The following FAM171B variants were observed in gnomAD, a reference collection of about 807,000 sequenced individuals.
The protein encoded by FAM171B is protein FAM171B.
In FAM171B, 19 loss-of-function variants were observed where a neutral mutation model predicts 75.6. That is an observed-to-expected ratio of 0.25 (90% CI 0.18 to 0.37). The LOEUF (loss-of-function observed/expected upper bound fraction) is 0.37, where lower values mean the gene tolerates loss of function less well. Ranked by LOEUF, FAM171B falls within the 10% of genes least tolerant of loss-of-function variation. The pLI, the probability that FAM171B is intolerant of heterozygous loss-of-function variation, is 1.00. For missense variants in FAM171B, 848 were observed against 982.4 expected (o/e 0.86, Z 1.83); for synonymous variants, 367 against 361.7 (o/e 1.01, Z -0.17).
At chr2:186,760,862 C>T (rs1690604024) in intron 6 of FAM171B, among the ~76,000 whole-genome samples, 1 of 151,956 alleles carries the variant, frequency 6.6e-6, no homozygotes, top group Admixed American at 6.6e-5. Flanking sequence ...TATTAGAAGT[C>T]TTGAGCAAGA....
intron 4 of FAM171B, among the ~76,000 whole-genome samples, chr2:186,749,090 C>G (rs1690413541): frequency 6.6e-6 from 1 of 152,188 alleles, no homozygotes; most frequent in South Asian, 2.1e-4. Flanking sequence ...ATATTCTTCT[C>G]TGTCCAACAT....
rs1238341527 is a variant in FAM171B, at chr2:186,761,650, T to G, written c.1308T>G (p.Ser436Arg). The change falls in exon 8 of 8, where the codon AGT becomes AGG. Residue 436 changes from serine (S) to arginine (R), a missense_variant. Ser to Arg is a moderately radical substitution (Grantham distance 110, BLOSUM62 -1). Coordinates refer to ENST00000304698, the MANE Select transcript of FAM171B (RefSeq NM_177454.4). ...TCAATGCCAAAAACTCCTCATATAG[T>G]CCTCAGAAAAAGGAACCATCAAAGG... ...QLFNAKNSSY[S>R]PQKKEPSKAE... is the part of the protein sequence containing the mutation. 1.9e-6 allele frequency: 3 copies of G among 1,612,008 alleles called. No homozygotes were observed. The Admixed American group carries it at 5.0e-5, about 27-fold the overall frequency.
At chr2:186,754,149 C>A (rs1690496523) in intron 6 of FAM171B, 100 bp downstream of exon 6, 2 of 811,862 alleles carry the variant, frequency 2.5e-6, no homozygotes, top group Admixed American at 2.5e-5. Flanking sequence ...CTGCCACTTA[C>A]CAGCTATATG....
At chr2:186,700,238 G>GTTTT (rs371777426) in intron 1 of FAM171B, among the ~76,000 whole-genome samples, 1 of 145,182 alleles carries the variant, frequency 6.9e-6, no homozygotes. Context: ...ACTGAGTTTT[G>GTTTT]TTTTTTTTTT....
At position 186,719,064 on chromosome 2, in the gene FAM171B, G is replaced by A. The variant is rs140459661; in HGVS notation, c.239-21164G>A. 6.8e-4 allele frequency among the ~76,000 whole-genome samples: 104 copies of A among 152,142 alleles called. 1 individual carries two copies. Among genetic ancestry groups the A allele is most frequent in the African/African-American group, 1.9e-3 (77 of 41,502 alleles). ...CATAGCACCTGAATTTGTATTTACCGGTCAGTATTCCTTTCAGATGTTAAA... is the reference window on the plus strand; with the variant it reads ...CATAGCACCTGAATTTGTATTTACCAGTCAGTATTCCTTTCAGATGTTAAA... On this transcript the variant is annotated intron_variant, in intron 1 of 7. Transcript: ENST00000304698.
At chr2:186,732,136 G>T (rs929737845) in intron 1 of FAM171B, among the ~76,000 whole-genome samples, 5 of 151,734 alleles carry the variant, frequency 3.3e-5, no homozygotes, top group Admixed American at 2.0e-4. Context: ...TGCCAAAAAG[G>T]TTGGGAGGCA....
chr2:186,746,137 T>C (rs1343806173), intron 3 of FAM171B, among the ~76,000 whole-genome samples: 1 of 152,230 alleles, frequency 6.6e-6, no homozygotes, highest in Non-Finnish European at 1.5e-5. Context: ...GGTGTAAGAG[T>C]TGATCTTTGA....
chr2:186,747,360 A>G, intron 4 of FAM171B, 110 bp downstream of exon 4: 2 of 581,694 alleles, frequency 3.4e-6, no homozygotes, highest in South Asian at 8.1e-5. Context: ...TATGGATAAT[A>G]CACATCATTT....
chr2:186,713,356 T>A (rs1230680820), intron 1 of FAM171B, among the ~76,000 whole-genome samples: 1 of 152,224 alleles, frequency 6.6e-6, no homozygotes, highest in Admixed American at 6.5e-5. Flanking sequence ...TGGGGGGTGA[T>A]CTTGGGGAAA....
At chr2:186,708,544 A>G (rs768355241) in intron 1 of FAM171B, among the ~76,000 whole-genome samples, 20 of 152,220 alleles carry the variant, frequency 1.3e-4, no homozygotes, top group Non-Finnish European at 2.6e-4. Flanking sequence ...TACTGTGGAA[A>G]CAGGTATGGG....
Position 186,764,007 on chromosome 2 carries a change from T to G in FAM171B, c.*1184T>G, listed in dbSNP as rs926945082. ...TTTTTTCAGTTTTGTAAGTAATATA[T>G]CTATGTTCTTTTCATTATAGCAAGC... On this transcript the variant is annotated 3_prime_UTR_variant, in exon 8 of 8. Transcript: ENST00000304698. 6.6e-6 allele frequency: 1 copy of G among 152,100 alleles called. No homozygotes were observed. The highest frequency in any genetic ancestry group is 2.4e-5 in the African/African-American group (1 of 41,446). 9.4% of individuals were successfully genotyped at this position (152,100 alleles called of 1,614,324 possible). A position where few individuals can be genotyped will look rare whatever the true frequency, so the allele number is the denominator to read the frequency against.
chr2:186,752,300 C>T (rs746112843), intron 5 of FAM171B, among the ~76,000 whole-genome samples: 13 of 152,012 alleles, frequency 8.6e-5, no homozygotes, highest in African/African-American at 1.9e-4. Context: ...GAGAATAGGG[C>T]GCAATAGATC....
intron 2 of FAM171B, 59 bp downstream of exon 2, chr2:186,740,520 C>A (rs1690274390): frequency 7.1e-7 from 1 of 1,402,874 alleles, no homozygotes; most frequent in South Asian, 1.3e-5. Flanking sequence ...GAATTATTTT[C>A]TCTGTTTGGG....
intron 1 of FAM171B, among the ~76,000 whole-genome samples, chr2:186,725,770 C>A (rs1420617226): frequency 6.6e-6 from 1 of 152,128 alleles, no homozygotes; most frequent in South Asian, 2.1e-4. Flanking sequence ...CATGAAGTAT[C>A]CTTAATAAAT....
At chr2:186,704,056 T>G (rs1168388602) in intron 1 of FAM171B, among the ~76,000 whole-genome samples, 1 of 152,208 alleles carries the variant, frequency 6.6e-6, no homozygotes, top group Non-Finnish European at 1.5e-5. Context: ...TATATTTAAA[T>G]GAACTGGTAC....
intron 1 of FAM171B, among the ~76,000 whole-genome samples, chr2:186,729,973 T>A (rs995675146): frequency 6.6e-6 from 1 of 152,146 alleles, no homozygotes; most frequent in Admixed American, 6.5e-5. Context: ...TTGTTTGTTT[T>A]TGAGACAGAG....
At chr2:186,725,022 T>C (rs533258137) in intron 1 of FAM171B, among the ~76,000 whole-genome samples, 1 of 152,222 alleles carries the variant, frequency 6.6e-6, no homozygotes, top group Non-Finnish European at 1.5e-5. Context: ...CTTCTTAACC[T>C]CTTTGTTCTT....
intron 1 of FAM171B, among the ~76,000 whole-genome samples, chr2:186,698,894 C>G (rs1307825341): frequency 6.6e-6 from 1 of 152,142 alleles, no homozygotes; most frequent in Admixed American, 6.5e-5. Flanking sequence ...CAAAGTTTGT[C>G]TGTGCCTGGC....
intron 1 of FAM171B, among the ~76,000 whole-genome samples, chr2:186,729,613 T>C (rs1175060150): frequency 1.3e-5 from 2 of 152,016 alleles, no homozygotes; most frequent in Non-Finnish European, 2.9e-5. Context: ...TAGAAAAGAG[T>C]TGTTCATACC....
Sources: allele counts gnomAD v4.1 joint callset (sites outside exome capture counted in the v4.1 genomes callset), GRCh38; gene constraint gnomAD v4.1.1; transcripts MANE v1.5; gene names NCBI Gene and HGNC (gene_info 2026-07-23, HGNC 2026-07-21).